Variants in AGBL1 observed in about 807,000 individuals in gnomAD.
The protein encoded by AGBL1 is AGBL carboxypeptidase 1.
Under a neutral mutation model 118.9 loss-of-function variants are expected in AGBL1, and 130 were observed. That is an observed-to-expected ratio of 1.09 (90% confidence interval 0.95 to 1.26). The LOEUF is 1.26. AGBL1 is among the 50% of genes most tolerant of loss of function. The probability of loss-of-function intolerance (pLI) is 0.00; values close to 1 mark genes in which losing one functional copy is unlikely to be tolerated. For synonymous variants in AGBL1, 555 were observed against 478.9 expected, an observed-to-expected ratio of 1.16 and a Z score of -2.08; for missense variants, 1,584 against 1,298.1, an observed-to-expected ratio of 1.22 and a Z score of -3.38.
intron 21 of AGBL1, among the ~76,000 whole-genome samples, chr15:86,622,996 A>T (rs917119293): frequency 7.2e-5 from 11 of 152,152 alleles, no homozygotes; most frequent in Non-Finnish European, 1.2e-4. Context: ...TGCACAGTTC[A>T]CAATAGGGTT....
At chr15:86,414,102 T>G (rs1033994101) in intron 18 of AGBL1, among the ~76,000 whole-genome samples, 2 of 152,168 alleles carry the variant, frequency 1.3e-5, no homozygotes, top group Non-Finnish European at 2.9e-5. Context: ...ATGTTCTCAC[T>G]TATAAGTGGG....
intron 21 of AGBL1, among the ~76,000 whole-genome samples, chr15:86,563,844 G>C (rs2083870219): frequency 6.6e-6 from 1 of 152,138 alleles, no homozygotes; most frequent in Non-Finnish European, 1.5e-5. Context: ...ATTTAGGATA[G>C]TTAGCTCTTC....
chr15:86,108,838 T>C (rs1011415968), intron 1 of AGBL1, among the ~76,000 whole-genome samples: 2 of 152,126 alleles, frequency 1.3e-5, no homozygotes, highest in Admixed American at 1.3e-4. Context: ...GCACCTGTAG[T>C]CCCAGCTACT....
chr15:86,171,479 A>G (rs1428618016), intron 5 of AGBL1, among the ~76,000 whole-genome samples: 5 of 152,224 alleles, frequency 3.3e-5, no homozygotes, highest in African/African-American at 1.2e-4. Flanking sequence ...AGCAACCACT[A>G]AAACAGTTAA....
intron 18 of AGBL1, among the ~76,000 whole-genome samples, chr15:86,402,195 T>C (rs2081457872): frequency 6.6e-6 from 1 of 152,054 alleles, no homozygotes; most frequent in Admixed American, 6.6e-5. Flanking sequence ...AGGTTATTTA[T>C]TTATTTATTT....
At chr15:86,261,785 G>T (rs1193765551) in intron 9 of AGBL1, among the ~76,000 whole-genome samples, 1 of 151,936 alleles carries the variant, frequency 6.6e-6, no homozygotes, top group East Asian at 1.9e-4. Flanking sequence ...TCGAAATGGT[G>T]ATCTATCAAG....
chr15:87,031,160 G>T (rs2081778823), downstream of AGBL1, among the ~76,000 whole-genome samples: 1 of 151,898 alleles, frequency 6.6e-6, no homozygotes, highest in Non-Finnish European at 1.5e-5. Flanking sequence ...TGTCAGCTTT[G>T]TGTATGGAAG....
intron 24 of AGBL1, among the ~76,000 whole-genome samples, chr15:86,992,670 G>A (rs943366463): frequency 2.0e-5 from 3 of 151,982 alleles, no homozygotes; most frequent in African/African-American, 7.2e-5. Context: ...TGTTTCCCTG[G>A]GTCTGAGTGT....
chr15:86,608,077 A>G (rs548346632), intron 21 of AGBL1, among the ~76,000 whole-genome samples: 39 of 152,216 alleles, frequency 2.6e-4, no homozygotes, highest in Non-Finnish European at 4.9e-4. Context: ...GTAATGACAC[A>G]ACAGTGACAT....
intron 1 of AGBL1, among the ~76,000 whole-genome samples, chr15:86,126,914 G>T (rs1370749845): frequency 1.3e-5 from 2 of 152,160 alleles, no homozygotes; most frequent in African/African-American, 4.8e-5. Context: ...GATGAGATTT[G>T]CTGGGATGAA....
At chr15:86,544,136 T>C (rs2083544715) in intron 19 of AGBL1, among the ~76,000 whole-genome samples, 1 of 152,196 alleles carries the variant, frequency 6.6e-6, no homozygotes, top group Admixed American at 6.5e-5. Context: ...CAGCAAAACT[T>C]AGTGGCTTAA....
chr15:86,325,979 T>C (rs2080177332), intron 17 of AGBL1, among the ~76,000 whole-genome samples: 1 of 152,122 alleles, frequency 6.6e-6, no homozygotes, highest in African/African-American at 2.4e-5. Context: ...TGTTCCCTTA[T>C]CCCCTCCTGT....
At chr15:86,926,357 G>A (rs568033032) in intron 23 of AGBL1, among the ~76,000 whole-genome samples, 8 of 152,292 alleles carry the variant, frequency 5.3e-5, no homozygotes, top group African/African-American at 1.9e-4. Flanking sequence ...AACTTATTGA[G>A]ACTTTGAACC....
intron 22 of AGBL1, among the ~76,000 whole-genome samples, chr15:86,871,242 C>T (rs2079723681): frequency 6.6e-6 from 1 of 152,186 alleles, no homozygotes; most frequent in South Asian, 2.1e-4. Flanking sequence ...AGACATCCAT[C>T]TGTCAGATAT....
At chr15:86,587,389 G>T (rs913778857) in intron 21 of AGBL1, among the ~76,000 whole-genome samples, 2 of 152,166 alleles carry the variant, frequency 1.3e-5, no homozygotes, top group African/African-American at 4.8e-5. Flanking sequence ...TGGAATCCGA[G>T]CTCACCTGTG....
chr15:87,027,570 G>C (rs1445887279), intron 24 of AGBL1, among the ~76,000 whole-genome samples: 2 of 151,564 alleles, frequency 1.3e-5, no homozygotes, highest in African/African-American at 4.8e-5. Context: ...CTATTATAAA[G>C]ATACATGCAC....
chr15:86,542,174 G>A (rs2083507715), intron 19 of AGBL1, among the ~76,000 whole-genome samples: 1 of 152,142 alleles, frequency 6.6e-6, no homozygotes, highest in South Asian at 2.1e-4. Flanking sequence ...GCATAATGTA[G>A]GGGAGAGTAT....
At chr15:86,270,441 A>T (rs2079141660) in intron 14 of AGBL1, among the ~76,000 whole-genome samples, 1 of 152,192 alleles carries the variant, frequency 6.6e-6, no homozygotes, top group Non-Finnish European at 1.5e-5. Context: ...CAATTGGACA[A>T]CACTGATTTA....
chr15:86,534,257 A>G (rs2083392055), intron 19 of AGBL1, among the ~76,000 whole-genome samples: 2 of 152,136 alleles, frequency 1.3e-5, no homozygotes, highest in Non-Finnish European at 2.9e-5. Flanking sequence ...GAGCTTTGAT[A>G]GGAACATAGA....
Sources: gnomAD v4.1 joint callset for allele counts (sites outside exome capture counted in the v4.1 genomes callset) on GRCh38, gnomAD v4.1.1 for gene constraint, MANE v1.5 for transcripts, NCBI Gene and HGNC (gene_info 2026-07-23, HGNC 2026-07-21) for gene names.